Variants in GLRA2 observed in about 807,000 individuals in gnomAD.
The protein encoded by GLRA2 is glycine receptor alpha 2.
A neutral mutation model predicts 31.6 loss-of-function variants in GLRA2; 11 were observed. The observed-to-expected ratio is 0.35, with a 90% CI of 0.22 to 0.58. GLRA2 has a LOEUF of 0.58. Among genes scored for constraint, GLRA2 ranks in the 20% least tolerant of loss-of-function variants. The pLI is 0.84. For missense variants in GLRA2, 212 were observed against 351.8 expected (o/e 0.60, Z 3.18); for synonymous variants, 132 against 134.0 (o/e 0.99, Z 0.10).
chrX:14,625,332 A>T (rs1441521848), intron 7 of GLRA2, among the ~76,000 whole-genome samples: 1 of 111,270 alleles, frequency 9.0e-6, no homozygotes, highest in East Asian at 2.8e-4. Flanking sequence ...TAATTGGCGC[A>T]TTTAGCCTAT....
At chrX:14,474,434 C>T in the GLRA2 span, among the ~76,000 whole-genome samples, 2 of 111,759 alleles carry the variant, frequency 1.8e-5, no homozygotes, top group African/African-American at 6.5e-5. Flanking sequence ...AACTCACTGA[C>T]TGTATCTTAT....
chrX:14,539,645 C>T (rs2089374125), intron 2 of GLRA2, among the ~76,000 whole-genome samples: 1 of 111,378 alleles, frequency 9.0e-6, no homozygotes, highest in Non-Finnish European at 1.9e-5. Context: ...TGTGTATCCA[C>T]CATTCCATTA....
chrX:14,522,036 C>G, the GLRA2 span, among the ~76,000 whole-genome samples: 1 of 111,623 alleles, frequency 9.0e-6, no homozygotes, highest in South Asian at 3.8e-4. Flanking sequence ...TAGATCGACT[C>G]CTCTTTTCAT....
At chrX:14,612,836 G>T (rs1244064385) in intron 7 of GLRA2, among the ~76,000 whole-genome samples, 4 of 92,036 alleles carry the variant, frequency 4.3e-5, no homozygotes, top group Non-Finnish European at 8.5e-5. Flanking sequence ...GGGTGGGGGG[G>T]CTAGGGGAGT....
the GLRA2 span, among the ~76,000 whole-genome samples, chrX:14,469,853 T>A: frequency 4.9e-3 from 534 of 108,537 alleles, 2 homozygotes; most frequent in Non-Finnish European, 8.7e-3. Flanking sequence ...AATAATAATT[T>A]AAAAAAAAAC....
chrX:14,697,087 G>T (rs2091458567), intron 8 of GLRA2, among the ~76,000 whole-genome samples: 1 of 93,236 alleles, frequency 1.1e-5, no homozygotes, highest in Non-Finnish European at 2.3e-5. Context: ...CTGAACCATG[G>T]TTAGAAAAAA....
intron 2 of GLRA2, among the ~76,000 whole-genome samples, chrX:14,572,209 A>G (rs900564084): frequency 6.2e-5 from 7 of 112,552 alleles, no homozygotes; most frequent in Non-Finnish European, 9.4e-5. Context: ...CCAGCTTTCT[A>G]AATGCTTCCA....
chrX:14,469,007 G>T, the GLRA2 span, among the ~76,000 whole-genome samples: 1 of 110,707 alleles, frequency 9.0e-6, no homozygotes, highest in Admixed American at 9.6e-5. Flanking sequence ...CTTTTTGATG[G>T]GGTTGTTTGT....
the GLRA2 span, among the ~76,000 whole-genome samples, chrX:14,495,334 A>G: frequency 1.8e-5 from 2 of 111,287 alleles, no homozygotes; most frequent in Non-Finnish European, 3.8e-5. Flanking sequence ...GCAGAAAACT[A>G]TAATGCAGGC....
At chrX:14,658,290 C>G (rs1220243898) in intron 7 of GLRA2, among the ~76,000 whole-genome samples, 1 of 111,654 alleles carries the variant, frequency 9.0e-6, no homozygotes, top group Admixed American at 9.5e-5. Context: ...TTGTGTAACC[C>G]TTATAAAGTT....
chrX:14,493,524 C>T, the GLRA2 span, among the ~76,000 whole-genome samples: 1 of 102,340 alleles, frequency 9.8e-6, no homozygotes, highest in African/African-American at 3.7e-5. Context: ...TATATACACA[C>T]ATATATACAC....
intron 4 of GLRA2, among the ~76,000 whole-genome samples, chrX:14,589,445 G>T (rs1161421442): frequency 1.1e-4 from 12 of 105,117 alleles, no homozygotes; most frequent in Non-Finnish European, 2.1e-4. Context: ...GGATCATGAG[G>T]TCAGGAGATC....
At chrX:14,488,465 T>A in the GLRA2 span, among the ~76,000 whole-genome samples, 1 of 111,655 alleles carries the variant, frequency 9.0e-6, no homozygotes, top group Non-Finnish European at 1.9e-5. Context: ...TCCCTCACTT[T>A]ATGAGTGGTC....
the GLRA2 span, among the ~76,000 whole-genome samples, chrX:14,493,360 A>G: frequency 9.1e-6 from 1 of 109,468 alleles, no homozygotes; most frequent in Non-Finnish European, 1.9e-5. Flanking sequence ...GGATATGTAA[A>G]CAACATGAAT....
At chrX:14,610,794 T>C (rs939401412) in intron 7 of GLRA2, among the ~76,000 whole-genome samples, 5 of 112,429 alleles carry the variant, frequency 4.4e-5, no homozygotes, top group Admixed American at 1.9e-4. Flanking sequence ...AGTAGTCATT[T>C]ATCTTCAAAA....
At chrX:14,611,858 T>C (rs1411252216) in intron 7 of GLRA2, among the ~76,000 whole-genome samples, 1 of 112,093 alleles carries the variant, frequency 8.9e-6, no homozygotes, top group Non-Finnish European at 1.9e-5. Flanking sequence ...ATGTTGAAGA[T>C]ATTAGGTTGG....
At chrX:14,723,270 G>A (rs778787142) in intron 8 of GLRA2, among the ~76,000 whole-genome samples, 2 of 112,007 alleles carry the variant, frequency 1.8e-5, no homozygotes, top group Admixed American at 9.5e-5. Context: ...TCCATCTAGT[G>A]GTTTAAGCTG....
intron 2 of GLRA2, among the ~76,000 whole-genome samples, chrX:14,572,653 G>A (rs766909231): frequency 7.1e-4 from 80 of 112,250 alleles, no homozygotes; most frequent in Non-Finnish European, 1.4e-3. Flanking sequence ...CATAAGAGGG[G>A]CCGGGACAAA....
Position 14,663,876 on chromosome X carries a change from T to C in GLRA2, c.931-26834T>C, listed in dbSNP as rs1246197578. ...TCATCCTGATTTTCCAATGTATATG[T>C]ATAAGTTAAAGTAGTCTCTTAAGAG... On this transcript the variant is annotated intron_variant, in intron 7 of 8. Coordinates refer to ENST00000218075, the MANE Select transcript of GLRA2 (RefSeq NM_002063.4). Among the ~76,000 whole-genome samples, 6 of 111,455 alleles carry C rather than the reference T, an allele frequency of 5.4e-5. No individual in the cohort carries two copies. The East Asian group carries it at 1.4e-3, about 26-fold the overall frequency.
Sources: gnomAD v4.1 joint callset for allele counts (sites outside exome capture counted in the v4.1 genomes callset) on GRCh38, gnomAD v4.1.1 for gene constraint, MANE v1.5 for transcripts, NCBI Gene and HGNC (gene_info 2026-07-23, HGNC 2026-07-21) for gene names.